Variants in SNX29 observed in about 807,000 individuals in gnomAD.
SNX29 encodes the protein sorting nexin-29.
A neutral mutation model predicts 102.1 loss-of-function variants in SNX29; 78 were observed. The observed-to-expected ratio is 0.76, with a 90% CI of 0.64 to 0.92. SNX29 has a LOEUF of 0.92. Among genes scored for constraint, SNX29 ranks in the 40% least tolerant of loss-of-function variants. The probability of loss-of-function intolerance (pLI) is 0.00; values close to 1 mark genes in which losing one functional copy is unlikely to be tolerated. For synonymous variants in SNX29, 580 were observed against 414.5 expected, an observed-to-expected ratio of 1.40 and a Z score of -4.85; for missense variants, 1,280 against 1,061.7, an observed-to-expected ratio of 1.21 and a Z score of -2.86.
chr16:12,305,692 C>T (rs2080316060), intron 15 of SNX29, among the ~76,000 whole-genome samples: 1 of 152,148 alleles, frequency 6.6e-6, no homozygotes, highest in South Asian at 2.1e-4. Flanking sequence ...AATTTTGCAC[C>T]TAGATGCCTG....
chr16:12,079,918 GA>G (rs991361367), intron 11 of SNX29, among the ~76,000 whole-genome samples: 1 of 152,026 alleles, frequency 6.6e-6, no homozygotes, highest in Non-Finnish European at 1.5e-5. Flanking sequence ...CTTGGATAGG[GA>G]AAAAAATTAC....
chr16:12,256,865 G>A (rs78775175), intron 14 of SNX29, among the ~76,000 whole-genome samples: 3,708 of 152,238 alleles, frequency 0.024, 73 homozygotes, highest in East Asian at 0.12. Flanking sequence ...CCTCCACTTG[G>A]ACTTATGATA....
intron 19 of SNX29, among the ~76,000 whole-genome samples, chr16:12,519,975 C>G (rs1597713942): frequency 6.6e-6 from 1 of 152,170 alleles, no homozygotes; most frequent in East Asian, 1.9e-4. Context: ...CAGAGCGAGA[C>G]TCTGTCCCGC....
chr16:12,512,952 C>T (rs776198510), intron 19 of SNX29, among the ~76,000 whole-genome samples: 1 of 152,136 alleles, frequency 6.6e-6, no homozygotes, highest in Admixed American at 6.5e-5. Context: ...AGCGGAGTTG[C>T]TGGGGTGAAA....
chr16:12,179,955 A>T (rs898551234), intron 13 of SNX29, among the ~76,000 whole-genome samples: 1 of 152,204 alleles, frequency 6.6e-6, no homozygotes, highest in Non-Finnish European at 1.5e-5. Context: ...GGTGTTAGTC[A>T]TTCCGTCAGT....
At chr16:12,239,052 A>G (rs558613832) in intron 14 of SNX29, among the ~76,000 whole-genome samples, 158 of 152,292 alleles carry the variant, frequency 1.0e-3, no homozygotes, top group Middle Eastern at 3.4e-3. Context: ...TTGAGTTTAC[A>G]TCTCACTGGC....
chr16:12,246,412 A>G (rs978370944), intron 14 of SNX29, among the ~76,000 whole-genome samples: 1 of 152,130 alleles, frequency 6.6e-6, no homozygotes, highest in African/African-American at 2.4e-5. Context: ...AGGCTGGGGC[A>G]GGCAGATCAC....
intron 9 of SNX29, 132 bp downstream of exon 9, chr16:12,061,778 CA>C (rs1253890201): frequency 1.1e-5 from 8 of 711,110 alleles, no homozygotes; most frequent in South Asian, 1.8e-5. Flanking sequence ...GGTTCAGGGC[CA>C]GGGGGAGCTC....
intron 10 of SNX29, among the ~76,000 whole-genome samples, chr16:12,077,166 C>G (rs1319859331): frequency 6.6e-6 from 1 of 152,042 alleles, no homozygotes; most frequent in Non-Finnish European, 1.5e-5. Context: ...GTAGTGTCAG[C>G]TACTTGGGAG....
chr16:12,393,391 T>TGCA (rs1460879236), intron 16 of SNX29, among the ~76,000 whole-genome samples: 7 of 133,844 alleles, frequency 5.2e-5, no homozygotes, highest in Admixed American at 7.4e-5. Flanking sequence ...GATTCATTCA[T>TGCA]TCATGCATGC....
chr16:12,178,792 A>C (rs1033033267), intron 13 of SNX29, among the ~76,000 whole-genome samples: 2 of 152,168 alleles, frequency 1.3e-5, no homozygotes, highest in Non-Finnish European at 1.5e-5. Flanking sequence ...ACAGTTGTGC[A>C]TGTGTGACTT....
chr16:12,260,834 G>A (rs780662765), intron 14 of SNX29, among the ~76,000 whole-genome samples: 2 of 148,958 alleles, frequency 1.3e-5, no homozygotes, highest in Non-Finnish European at 3.0e-5. Flanking sequence ...ATCTGTGTGC[G>A]TGTGCCCGGC....
chr16:12,539,418 T>G (rs1298022318), intron 20 of SNX29, among the ~76,000 whole-genome samples: 1 of 152,092 alleles, frequency 6.6e-6, no homozygotes, highest in East Asian at 1.9e-4. Context: ...AGTCGTTGGG[T>G]GAGTCAGCAG....
chr16:12,295,049 C>T (rs1401619456), intron 15 of SNX29, among the ~76,000 whole-genome samples: 2 of 152,290 alleles, frequency 1.3e-5, no homozygotes, highest in African/African-American at 2.4e-5. Context: ...CAACACATCT[C>T]GTGAGACTTA....
intron 19 of SNX29, among the ~76,000 whole-genome samples, chr16:12,484,733 C>G (rs2088142775): frequency 6.6e-6 from 1 of 152,222 alleles, no homozygotes; most frequent in South Asian, 2.1e-4. Flanking sequence ...GATGTCAGTT[C>G]AGATTTGCCC....
At chr16:12,283,630 A>C (rs1267524392) in intron 15 of SNX29, among the ~76,000 whole-genome samples, 1 of 152,104 alleles carries the variant, frequency 6.6e-6, no homozygotes, top group Non-Finnish European at 1.5e-5. Context: ...TTCTGTTGCA[A>C]AGTCATTGGT....
At chr16:12,556,407 G>A (rs1459558269) in intron 20 of SNX29, 1 of 152,260 alleles carries the variant, frequency 6.6e-6, no homozygotes, top group Admixed American at 6.5e-5. Context: ...TACAGAAGAT[G>A]ACACTTCAGA....
intron 20 of SNX29, among the ~76,000 whole-genome samples, chr16:12,554,717 C>G (rs967572037): frequency 6.6e-6 from 1 of 152,158 alleles, no homozygotes; most frequent in Non-Finnish European, 1.5e-5. Flanking sequence ...TGACAGCTGT[C>G]TTTCAGTCTT....
intron 10 of SNX29, among the ~76,000 whole-genome samples, chr16:12,078,410 G>A (rs2051690794): frequency 6.6e-6 from 1 of 152,134 alleles, no homozygotes; most frequent in Admixed American, 6.5e-5. Context: ...AGGAGGTGGA[G>A]GTTACAGTGA....
Sources: gnomAD v4.1 joint callset for allele counts (sites outside exome capture counted in the v4.1 genomes callset) on GRCh38, gnomAD v4.1.1 for gene constraint, MANE v1.5 for transcripts, NCBI Gene and HGNC (gene_info 2026-07-23, HGNC 2026-07-21) for gene names.